Variants in FGF5 observed in about 807,000 individuals in gnomAD.
FGF5 encodes heparin-binding growth factor 5.
A neutral mutation model predicts 21.8 loss-of-function variants in FGF5; 23 were observed. The ratio of observed to expected loss-of-function variants is 1.05; its 90% confidence interval spans 0.76 to 1.49. The LOEUF is 1.49. Among genes scored for constraint, FGF5 ranks in the 40% most tolerant of loss-of-function variants. The pLI, the probability that FGF5 is intolerant of heterozygous loss-of-function variation, is 0.00. For missense variants in FGF5, 352 were observed against 332.9 expected (o/e 1.06, Z -0.45); for synonymous variants, 158 against 124.0 (o/e 1.27, Z -1.82).
At chr4:80,277,001 A>T (rs1366108976) in intron 2 of FGF5, among the ~76,000 whole-genome samples, 1 of 152,134 alleles carries the variant, frequency 6.6e-6, no homozygotes, top group Non-Finnish European at 1.5e-5. Context: ...AAAAAAATAG[A>T]CTAAACTTGG....
intron 2 of FGF5, among the ~76,000 whole-genome samples, chr4:80,277,926 T>A (rs1720458310): frequency 6.6e-6 from 1 of 152,156 alleles, no homozygotes; most frequent in Non-Finnish European, 1.5e-5. Flanking sequence ...GATAATGTAC[T>A]TTCATAGTTC....
In FGF5 at chr4:80,266,961, G is replaced by A. The variant is rs1257323164; in HGVS notation, c.137G>A (p.Ser46Asn). Residue 46 changes from serine (S) to asparagine (N), a missense_variant, in exon 1 of 3, where the codon AGC becomes AAC. Transcript: ENST00000312465. ...GATAGGAACCCTAGAGGCTCCAGCA[G>A]CAGACAGAGCAGCAGTAGCGCTATG... The part of the protein sequence containing the change: ...ATDRNPRGSS[S>N]RQSSSSAMSS... 3.1e-6 allele frequency: 5 copies of A among 1,614,104 alleles called. No individual in the cohort carries two copies. The African/African-American group carries it at 5.3e-5, about 17-fold the overall frequency.
rs979035388 is a variant in FGF5, at chr4:80,271,526, C to T, written c.356-3383C>T. ...TATTTACACTGAGCCACCCGTCCAC[C>T]CCGTGCCTTCTCAAGCAGGAGAAGG... On this transcript the variant is annotated intron_variant, in intron 1 of 2. Transcript: ENST00000312465. Among the ~76,000 whole-genome samples the T allele has an allele frequency of 2.6e-5, 4 of 152,086 alleles. No homozygotes were observed. In the East Asian group the frequency reaches 7.7e-4, roughly 29 times the overall value.
intron 2 of FGF5, among the ~76,000 whole-genome samples, chr4:80,275,629 T>C (rs1374324060): frequency 6.6e-6 from 1 of 152,042 alleles, no homozygotes; most frequent in East Asian, 1.9e-4. Flanking sequence ...TTCAGACCAG[T>C]TTTATATATT....
Position 80,286,726 on chromosome 4 carries a change from G to A in FGF5, c.*54G>A, listed in dbSNP as rs1291260678. The A allele has an allele frequency of 4.9e-6, 7 of 1,425,974 alleles. No individual in the cohort carries two copies. The African/African-American group carries it at 7.2e-5, about 15-fold the overall frequency. The allele number at this position is 1,425,974 out of a possible 1,614,324, so 88.3% of individuals were successfully genotyped here. A position where few individuals can be genotyped will look rare whatever the true frequency, so the allele number is the denominator to read the frequency against. On this transcript the variant is annotated 3_prime_UTR_variant, in exon 3 of 3. Transcript: ENST00000312465. The stretch of plus-strand genomic sequence containing the variant: ...TCTTTCCCCTCAGGAGTTTCTATAG[G>A]TGTCTTCAGAGTTCTGAAGAAAAAT...
chr4:80,273,600 AT>A (rs986657417), intron 1 of FGF5, among the ~76,000 whole-genome samples: 1 of 152,174 alleles, frequency 6.6e-6, no homozygotes, highest in Non-Finnish European at 1.5e-5. Flanking sequence ...GCAGAGTCCT[AT>A]TGAGATATCC....
chr4:80,278,241 A>G (rs1720468453), intron 2 of FGF5, among the ~76,000 whole-genome samples: 2 of 152,188 alleles, frequency 1.3e-5, no homozygotes, highest in Non-Finnish European at 2.9e-5. Context: ...GTGGCACATC[A>G]TTAGAATATT....
rs1720881944 is a variant in FGF5 at position 80,290,797 on chromosome 4, T to G, written c.*4125T>G. 6.6e-6 allele frequency: 1 copy of G among 152,228 alleles called. No individual in the cohort carries two copies. Among genetic ancestry groups the G allele is most frequent in the Non-Finnish European group, 1.5e-5 (1 of 68,048 alleles). The allele number at this position is 152,228 out of a possible 1,614,324, so 9.4% of individuals were successfully genotyped here. A position where few individuals can be genotyped will look rare whatever the true frequency, so the allele number is the denominator to read the frequency against. On this transcript the variant is annotated 3_prime_UTR_variant, in exon 3 of 3. Transcript: ENST00000312465. Reference sequence around the variant, plus strand: ...AGTGAGAATATGTGGTGTTTGGTTTTTGGTCCTTGCAATAGTTTGCTGAGA... The same window carrying G: ...AGTGAGAATATGTGGTGTTTGGTTTGTGGTCCTTGCAATAGTTTGCTGAGA...
chr4:80,274,996 G>A lies in FGF5; in HGVS notation c.443G>A (p.Gly148Glu). 1 of 1,545,010 alleles carries A rather than the reference G, an allele frequency of 6.5e-7. No individual in the cohort carries two copies. Among genetic ancestry groups the A allele is most frequent in the Non-Finnish European group, 8.9e-7 (1 of 1,121,712 alleles). ...AAATTTTTAGCGATGTCAAAAAAAG[G>A]AAAACTCCATGCAAGTGTAAGTAGA... is the stretch of plus-strand genomic sequence containing the variant. ...SNKFLAMSKK[G>E]KLHASAKFTD... The change falls in exon 2 of 3, where the codon GGA becomes GAA. Residue 148 changes from glycine to glutamate, a missense_variant. Coordinates refer to ENST00000312465, the MANE Select transcript of FGF5 (RefSeq NM_004464.4).
At chr4:80,275,063 T>A in intron 2 of FGF5, 51 bp downstream of exon 2, 1 of 744,930 alleles carries the variant, frequency 1.3e-6, no homozygotes, top group Non-Finnish European at 2.2e-6. Flanking sequence ...GATTTTACAT[T>A]TGTAAAACAG....
At chr4:80,270,195 A>T (rs1182559357) in intron 1 of FGF5, among the ~76,000 whole-genome samples, 4 of 152,228 alleles carry the variant, frequency 2.6e-5, no homozygotes, top group Admixed American at 1.3e-4. Flanking sequence ...TGAGTTAGTG[A>T]TGATAGAAAA....
chr4:80,273,287 G>A (rs1720321189), intron 1 of FGF5, among the ~76,000 whole-genome samples: 1 of 151,900 alleles, frequency 6.6e-6, no homozygotes, highest in Non-Finnish European at 1.5e-5. Flanking sequence ...TTTCCCTAAA[G>A]TGTGTTTTAT....
chr4:80,285,261 C>G (rs1214614045), intron 2 of FGF5, among the ~76,000 whole-genome samples: 1 of 152,152 alleles, frequency 6.6e-6, no homozygotes, highest in Non-Finnish European at 1.5e-5. Flanking sequence ...TGGTGCTGAC[C>G]TACATTGTCT....
chr4:80,272,161 A>G (rs1207418862), intron 1 of FGF5, among the ~76,000 whole-genome samples: 1 of 152,214 alleles, frequency 6.6e-6, no homozygotes, highest in Non-Finnish European at 1.5e-5. Context: ...ATCTAGTCTC[A>G]TCTCTTACAT....
At position 80,286,758 on chromosome 4, in the gene FGF5, A is replaced by G. The variant is rs1720743329; in HGVS notation, c.*86A>G. 2 of 960,328 alleles carry G rather than the reference A, an allele frequency of 2.1e-6. No individual in the cohort carries two copies. Among genetic ancestry groups the G allele is most frequent in the South Asian group, 1.6e-5 (1 of 62,868 alleles). 59.5% of individuals were successfully genotyped at this position (960,328 alleles called of 1,614,324 possible). ...CAGAGTTCTGAAGAAAAATTACTGGACACAGCTTCAGCTATACTTACACTG... is the reference window on the plus strand; with the variant it reads ...CAGAGTTCTGAAGAAAAATTACTGGGCACAGCTTCAGCTATACTTACACTG... On this transcript the variant is annotated 3_prime_UTR_variant, in exon 3 of 3. Coordinates refer to ENST00000312465, the MANE Select transcript of FGF5 (RefSeq NM_004464.4).
At chr4:80,276,116 A>G (rs996972361) in intron 2 of FGF5, among the ~76,000 whole-genome samples, 11 of 152,086 alleles carry the variant, frequency 7.2e-5, no homozygotes, top group African/African-American at 1.9e-4. Flanking sequence ...TGGAAGAGAC[A>G]GAATTTGAAC....
intron 2 of FGF5, among the ~76,000 whole-genome samples, chr4:80,284,362 A>T (rs1328317104): frequency 1.3e-5 from 2 of 152,144 alleles, no homozygotes; most frequent in Admixed American, 6.6e-5. Context: ...TGAGCCTGGG[A>T]GATGGAGGTT....
rs1182407051 is a variant in FGF5, at chr4:80,288,145, T to A, written c.*1473T>A. On this transcript the variant is annotated 3_prime_UTR_variant, in exon 3 of 3. Coordinates refer to ENST00000312465, the MANE Select transcript of FGF5 (RefSeq NM_004464.4). ...GCTTTAGTAGTAACAAAAGGGTTCA[T>A]AGAAACTTCATGGTTTGCATTTAAA... is the stretch of plus-strand genomic sequence containing the variant. 6.6e-6 allele frequency: 1 copy of A among 152,174 alleles called. No individual in the cohort carries two copies. The highest frequency in any genetic ancestry group is 1.5e-5 in the Non-Finnish European group (1 of 68,014). 9.4% of individuals were successfully genotyped at this position (152,174 alleles called of 1,614,324 possible).
At chr4:80,275,070 A>AT in intron 2 of FGF5, 58 bp downstream of exon 2, 1 of 728,894 alleles carries the variant, frequency 1.4e-6, no homozygotes, top group Non-Finnish European at 2.2e-6. Flanking sequence ...CATTTGTAAA[A>AT]CAGAATAATT....
Sources: allele counts gnomAD v4.1 joint callset (sites outside exome capture counted in the v4.1 genomes callset), GRCh38; gene constraint gnomAD v4.1.1; transcripts MANE v1.5; gene names NCBI Gene and HGNC (gene_info 2026-07-23, HGNC 2026-07-21).